Variants in FLACC1 observed in about 807,000 individuals in gnomAD.
FLACC1 encodes the protein flagellum associated containing coiled-coil domains 1.
In FLACC1, 66 loss-of-function variants were observed where a neutral mutation model predicts 62.8. The observed-to-expected ratio is 1.05, with a 90% CI of 0.86 to 1.29. FLACC1 has a LOEUF of 1.29. Among genes scored for constraint, FLACC1 ranks in the 50% most tolerant of loss-of-function variants. FLACC1 has a pLI of 0.00. For synonymous variants in FLACC1, 156 were observed against 161.0 expected, an observed-to-expected ratio of 0.97 and a Z score of 0.24; for missense variants, 452 against 489.1, an observed-to-expected ratio of 0.92 and a Z score of 0.71.
intron 1 of FLACC1, among the ~76,000 whole-genome samples, chr2:201,353,550 T>C (rs1576484831): frequency 6.6e-6 from 1 of 152,230 alleles, no homozygotes; most frequent in Admixed American, 6.5e-5. Flanking sequence ...TAGTTGATTT[T>C]TAAATGATGT....
At chr2:201,308,447 T>C (rs554698452) in intron 10 of FLACC1, among the ~76,000 whole-genome samples, 61 of 152,142 alleles carry the variant, frequency 4.0e-4, no homozygotes, top group Non-Finnish European at 7.6e-4. Context: ...GTATCTGCAT[T>C]TAAATGAGTA....
chr2:201,288,653 G>T lies in FLACC1; in HGVS notation c.*2C>A. 1 of 1,612,988 alleles carries T rather than the reference G, an allele frequency of 6.2e-7. No individual in the cohort carries two copies. The highest frequency in any genetic ancestry group is 8.5e-7 in the Non-Finnish European group (1 of 1,179,556). On this transcript the variant is annotated 3_prime_UTR_variant, in exon 15 of 15. Transcript: ENST00000392257. ...CTTCAACAATGCAGAGCAACTTTTT[G>T]TTTATGATTCTTGTCCTTTCTTGCT...
intron 9 of FLACC1, among the ~76,000 whole-genome samples, chr2:201,316,044 T>C (rs1042829826): frequency 2.0e-5 from 3 of 152,126 alleles, no homozygotes; most frequent in South Asian, 2.1e-4. Flanking sequence ...ACCTCTGGGA[T>C]ACAGCAAAGG....
intron 3 of FLACC1, among the ~76,000 whole-genome samples, chr2:201,349,761 G>A (rs1320609749): frequency 1.3e-5 from 2 of 152,216 alleles, no homozygotes; most frequent in Non-Finnish European, 2.9e-5. Context: ...GCTAAAGAGT[G>A]AGTCACCACC....
intron 9 of FLACC1, 45 bp from the exon 10 acceptor site, chr2:201,309,295 A>G: frequency 6.9e-7 from 1 of 1,459,028 alleles, no homozygotes; most frequent in Non-Finnish European, 9.6e-7. Context: ...TCCTAAAATG[A>G]AGGTGACCTG....
At chr2:201,353,026 A>C (rs1257451201) in intron 1 of FLACC1, among the ~76,000 whole-genome samples, 2 of 152,194 alleles carry the variant, frequency 1.3e-5, no homozygotes, top group African/African-American at 4.8e-5. Context: ...AGTGAGGCTC[A>C]TTTTGGACTT....
chr2:201,308,171 G>A (rs947200529), intron 10 of FLACC1, among the ~76,000 whole-genome samples: 1 of 152,226 alleles, frequency 6.6e-6, no homozygotes, highest in African/African-American at 2.4e-5. Flanking sequence ...GTAAGCCTCT[G>A]ACTGAGCTGG....
chr2:201,326,565 T>C lies in FLACC1; in HGVS notation c.675+3905A>G, dbSNP rs974997745. The stretch of plus-strand genomic sequence containing the variant: ...ATCAAAAAAAGAACTGATACCCTTT[T>C]ACAACAGCTACAAAAAAATAAAATA... On this transcript the variant is annotated intron_variant, in intron 9 of 14. Transcript: ENST00000392257. This position sits in a 1 kb window ranked among gnomAD's most constrained non-coding sequence, Gnocchi z 4.1. 1.3e-4 allele frequency among the ~76,000 whole-genome samples: 20 copies of C among 152,068 alleles called. No individual in the cohort carries two copies. The highest frequency in any genetic ancestry group is 4.6e-4 in the African/African-American group (19 of 41,392).
intron 5 of FLACC1, 30 bp from the exon 6 acceptor site, chr2:201,344,293 A>T: frequency 6.4e-7 from 1 of 1,560,518 alleles, no homozygotes; most frequent in Non-Finnish European, 8.8e-7. Flanking sequence ...TCTATCATCC[A>T]CAAAGCTTAC....
intron 9 of FLACC1, among the ~76,000 whole-genome samples, chr2:201,316,370 G>A (rs918229765): frequency 1.3e-5 from 2 of 151,832 alleles, no homozygotes; most frequent in Non-Finnish European, 2.9e-5. Context: ...AAATGAAAAG[G>A]GAGATATTAC....
chr2:201,363,845 C>T, the FLACC1 span, among the ~76,000 whole-genome samples: 11 of 152,286 alleles, frequency 7.2e-5, no homozygotes, highest in East Asian at 1.4e-3. Flanking sequence ...AACTTGGGGT[C>T]GAGGAAATTT....
intron 11 of FLACC1, among the ~76,000 whole-genome samples, chr2:201,300,918 T>C (rs1301290942): frequency 6.6e-6 from 1 of 152,108 alleles, no homozygotes; most frequent in African/African-American, 2.4e-5. Context: ...CAAAACCTCA[T>C]CTGTACATCA....
chr2:201,349,131 G>T (rs114789134), intron 3 of FLACC1, among the ~76,000 whole-genome samples: 6,009 of 152,134 alleles, frequency 0.039, 163 homozygotes, highest in Non-Finnish European at 0.061. Context: ...TTGGGAGGGG[G>T]TCACTGTCCT....
At chr2:201,309,125 A>C (rs1371164744) in intron 10 of FLACC1, 26 bp downstream of exon 10, 2 of 1,593,266 alleles carry the variant, frequency 1.3e-6, no homozygotes, top group East Asian at 4.5e-5. Context: ...ACTTGTCATC[A>C]AAAAAGCTAG....
chr2:201,320,600 A>C (rs776608655), intron 9 of FLACC1, among the ~76,000 whole-genome samples: 19 of 152,196 alleles, frequency 1.2e-4, no homozygotes, highest in Non-Finnish European at 2.1e-4. Context: ...TGGCAAAGCC[A>C]GCAACACTGC....
chr2:201,330,710 G>T, intron 8 of FLACC1, 26 bp downstream of exon 8: 1 of 1,608,688 alleles, frequency 6.2e-7, no homozygotes, highest in Non-Finnish European at 8.5e-7. Context: ...TTCATCCAGG[G>T]TCATTCTCCC....
In FLACC1 at chr2:201,309,925, A is replaced by AAAAAAAAAAAAAAAAAAAAAAAAAAAAAG. The variant is rs764506462; in HGVS notation, c.676-676_676-675insCTTTTTTTTTTTTTTTTTTTTTTTTTTTT. ...TGTCTCAAAAAAAAAAAAAAAAAAA[A>AAAAAAAAAAAAAAAAAAAAAAAAAAAAAG]AAGAAGAAGAAAGGAAATACCTAGT... On this transcript the variant is annotated intron_variant, in intron 9 of 14. Coordinates refer to ENST00000392257, the MANE Select transcript of FLACC1 (RefSeq NM_001127391.3). 8.4e-4 allele frequency among the ~76,000 whole-genome samples: 83 copies of AAAAAAAAAAAAAAAAAAAAAAAAAAAAAG among 99,388 alleles called. 14 individuals carry two copies. Among genetic ancestry groups the AAAAAAAAAAAAAAAAAAAAAAAAAAAAAG allele is most frequent in the Middle Eastern group, 6.1e-3 (1 of 164 alleles). 65.2% of individuals were successfully genotyped at this position (99,388 alleles called of 152,430 possible). A position where few individuals can be genotyped will look rare whatever the true frequency, so the allele number is the denominator to read the frequency against.
At chr2:201,310,394 C>T (rs1950195966) in intron 9 of FLACC1, among the ~76,000 whole-genome samples, 2 of 152,134 alleles carry the variant, frequency 1.3e-5, no homozygotes, top group South Asian at 4.1e-4. Flanking sequence ...CTGCCTGACA[C>T]TTAGGGGTTT....
chr2:201,333,492 G>A (rs2125597186), intron 7 of FLACC1, among the ~76,000 whole-genome samples: 1 of 151,940 alleles, frequency 6.6e-6, no homozygotes, highest in East Asian at 1.9e-4. Context: ...CCATGTTGGT[G>A]TGCTGCACCC....
Sources: allele counts gnomAD v4.1 joint callset (sites outside exome capture counted in the v4.1 genomes callset), GRCh38; gene constraint gnomAD v4.1.1; non-coding constraint Gnocchi (gnomAD v3.1); transcripts MANE v1.5; gene names NCBI Gene and HGNC (gene_info 2026-07-23, HGNC 2026-07-21).